NRCAM: variants seen among roughly 807,000 people sequenced by gnomAD.
The protein encoded by NRCAM is NgCAM-related cell adhesion molecule.
A neutral mutation model predicts 156.5 loss-of-function variants in NRCAM; 83 were observed. That is an observed-to-expected ratio of 0.53 (90% CI 0.44 to 0.64). The LOEUF (loss-of-function observed/expected upper bound fraction) is 0.64, where lower values mean the gene tolerates loss of function less well. NRCAM is among the 30% of genes least tolerant of loss of function. The pLI, the probability that NRCAM is intolerant of heterozygous loss-of-function variation, is 0.00. For missense variants in NRCAM, 1,417 were observed against 1,597.3 expected (o/e 0.89, Z 1.92); for synonymous variants, 538 against 563.9 (o/e 0.95, Z 0.65).
chr7:108,239,880 T>C, intron 4 of NRCAM, 79 bp downstream of exon 4: 3 of 847,840 alleles, frequency 3.5e-6, no homozygotes, highest in Non-Finnish European at 5.8e-6. Context: ...ACCTTCTCCA[T>C]TCACGCAGTT....
At chr7:108,419,737 CTAGAGA>C (rs1806697062) in intron 1 of NRCAM, among the ~76,000 whole-genome samples, 1 of 152,156 alleles carries the variant, frequency 6.6e-6, no homozygotes, top group Admixed American at 6.5e-5. Flanking sequence ...AATGTCAAAA[CTAGAGA>C]TATAGTTTAA....
intron 2 of NRCAM, among the ~76,000 whole-genome samples, chr7:108,326,836 CAA>C (rs925098005): frequency 5.9e-5 from 9 of 152,110 alleles, no homozygotes; most frequent in African/African-American, 2.2e-4. Flanking sequence ...GCAAATTTCT[CAA>C]AGAGACCAGG....
chr7:108,184,248 G>C lies in NRCAM; in HGVS notation c.2297C>G (p.Thr766Arg), dbSNP rs775849144. 12 of 1,613,480 alleles carry C rather than the reference G, an allele frequency of 7.4e-6. No individual in the cohort carries two copies. The highest frequency in any genetic ancestry group is 1.1e-5 in the South Asian group (1 of 91,056). The change falls in exon 22 of 33, where the codon ACG (threonine) becomes AGG (arginine). Residue 766 changes from threonine (T) to arginine (R), a missense_variant. Thr to Arg is a moderately conservative substitution (Grantham distance 71). Transcript: ENST00000379028. ...LGSEPDNLVI[T>R]WKPLNGFESN... is the part of the protein sequence containing the mutation. ...GAAGGCATCATAGCTCACCTTCCACGTAATCACCAAATTATCAGGCTCTGA... is the reference window on the plus strand; with the variant it reads ...GAAGGCATCATAGCTCACCTTCCACCTAATCACCAAATTATCAGGCTCTGA...
chr7:108,300,550 G>T (rs940783399), intron 3 of NRCAM, among the ~76,000 whole-genome samples: 1 of 152,056 alleles, frequency 6.6e-6, no homozygotes, highest in South Asian at 2.1e-4. Context: ...TTAAACTAGG[G>T]ACACCATTGA....
intron 30 of NRCAM, among the ~76,000 whole-genome samples, chr7:108,165,338 T>C (rs1028229560): frequency 1.3e-5 from 2 of 152,192 alleles, no homozygotes; most frequent in Non-Finnish European, 2.9e-5. Flanking sequence ...ACTCGACCTC[T>C]CTGACTTGAG....
chr7:108,221,634 T>G (rs1447757700), intron 11 of NRCAM, among the ~76,000 whole-genome samples: 1 of 152,152 alleles, frequency 6.6e-6, no homozygotes, highest in African/African-American at 2.4e-5. Context: ...CTCACTGATA[T>G]GTGGGAGCTA....
Position 108,383,153 on chromosome 7 carries a change from C to CACACACACACAGAA in NRCAM, c.-174+16282_-174+16283insTTCTGTGTGTGTGT, listed in dbSNP as rs10669547. On this transcript the variant is annotated intron_variant, in intron 2 of 32. Transcript: ENST00000379028. ...ACACACGCTCTCACACACACACACA[C>CACACACACACAGAA]ACCCCTTGGTGTTGCCTAGGCAAAC... Among the ~76,000 whole-genome samples the CACACACACACAGAA allele has an allele frequency of 1.1e-4, 16 of 151,612 alleles. No individual in the cohort carries two copies. The East Asian group carries it at 3.1e-3, about 30-fold the overall frequency.
chr7:108,302,140 A>C (rs996804952), intron 3 of NRCAM, among the ~76,000 whole-genome samples: 1 of 152,022 alleles, frequency 6.6e-6, no homozygotes, highest in African/African-American at 2.4e-5. Context: ...GCTTAGTAAT[A>C]ATGACATATT....
intron 4 of NRCAM, among the ~76,000 whole-genome samples, chr7:108,238,552 T>C (rs894079533): frequency 6.6e-6 from 1 of 152,184 alleles, no homozygotes; most frequent in African/African-American, 2.4e-5. Context: ...ATGCCTCTTC[T>C]CCGTTAGCAG....
intron 2 of NRCAM, among the ~76,000 whole-genome samples, chr7:108,395,513 A>G (rs2099774285): frequency 1.3e-5 from 2 of 152,354 alleles, no homozygotes; most frequent in South Asian, 2.1e-4. Context: ...AAGGGCACAC[A>G]GCAACACATT....
At chr7:108,209,640 AG>A in intron 11 of NRCAM, 35 bp from the exon 12 acceptor site, 1 of 1,478,504 alleles carries the variant, frequency 6.8e-7, no homozygotes, top group Non-Finnish European at 9.1e-7. Flanking sequence ...GTTACAAAAA[AG>A]GAATCCACCT....
intron 3 of NRCAM, among the ~76,000 whole-genome samples, chr7:108,312,299 T>C (rs534564973): frequency 1.3e-5 from 2 of 152,198 alleles, no homozygotes; most frequent in Non-Finnish European, 2.9e-5. Flanking sequence ...AAAAGAAAAT[T>C]ATTTTCTTGT....
At chr7:108,154,351 T>C (rs1173204508) in intron 32 of NRCAM, among the ~76,000 whole-genome samples, 2 of 152,212 alleles carry the variant, frequency 1.3e-5, no homozygotes, top group Non-Finnish European at 2.9e-5. Flanking sequence ...AATTGCTTGC[T>C]GATACATAGA....
At chr7:108,322,670 T>A (rs892997867) in intron 2 of NRCAM, among the ~76,000 whole-genome samples, 2 of 152,192 alleles carry the variant, frequency 1.3e-5, no homozygotes, top group African/African-American at 4.8e-5. Flanking sequence ...AGTGGCCTAA[T>A]GTTGATCAAT....
At chr7:108,452,220 T>C (rs1447442416) in intron 1 of NRCAM, among the ~76,000 whole-genome samples, 1 of 152,114 alleles carries the variant, frequency 6.6e-6, no homozygotes, top group African/African-American at 2.4e-5. Context: ...TGATTGCTAG[T>C]GGGTAGGGGA....
At chr7:108,157,145 G>A (rs985762930) in intron 32 of NRCAM, among the ~76,000 whole-genome samples, 3 of 152,102 alleles carry the variant, frequency 2.0e-5, no homozygotes, top group Non-Finnish European at 4.4e-5. Flanking sequence ...ACACCCATCA[G>A]AACCTTATTT....
At position 108,376,794 on chromosome 7, in the gene NRCAM, G is replaced by A. The variant is rs2154351319; in HGVS notation, c.-174+22642C>T. 2.6e-5 allele frequency among the ~76,000 whole-genome samples: 4 copies of A among 152,260 alleles called. 1 individual carries two copies. In the Middle Eastern group the frequency reaches 0.01, roughly 388 times the overall value. Reference sequence around the variant, plus strand: ...AGTCAGTCATTACATAAAAGCTACTGTTGAGCAACTCTTTCCAAAATAATG... The same window carrying A: ...AGTCAGTCATTACATAAAAGCTACTATTGAGCAACTCTTTCCAAAATAATG... On this transcript the variant is annotated intron_variant, in intron 2 of 32. Transcript: ENST00000379028.
intron 1 of NRCAM, among the ~76,000 whole-genome samples, chr7:108,428,162 T>A (rs1249831357): frequency 1.3e-5 from 2 of 152,166 alleles, no homozygotes; most frequent in Non-Finnish European, 2.9e-5. Flanking sequence ...TTCAATGACA[T>A]TAGTCACAAC....
At chr7:108,273,983 A>C (rs1591240933) in intron 3 of NRCAM, among the ~76,000 whole-genome samples, 1 of 152,208 alleles carries the variant, frequency 6.6e-6, no homozygotes, top group Non-Finnish European at 1.5e-5. Flanking sequence ...GCCCAGCACC[A>C]TTTATTAAAT....
Sources: gnomAD v4.1 joint callset for allele counts (sites outside exome capture counted in the v4.1 genomes callset) on GRCh38, gnomAD v4.1.1 for gene constraint, MANE v1.5 for transcripts, NCBI Gene and HGNC (gene_info 2026-07-23, HGNC 2026-07-21) for gene names.